Variants in ZNF333 observed in about 807,000 individuals in gnomAD.
ZNF333 encodes the protein zinc finger protein 333.
In ZNF333, 61 loss-of-function variants were observed where a neutral mutation model predicts 76.1. The observed-to-expected ratio is 0.80, with a 90% CI of 0.65 to 0.99. The LOEUF (loss-of-function observed/expected upper bound fraction) is 0.99. Among genes scored for constraint, ZNF333 ranks in the 50% least tolerant of loss-of-function variants. The probability of loss-of-function intolerance (pLI) is 0.00; values close to 1 mark genes in which losing one functional copy is unlikely to be tolerated. For missense variants in ZNF333, 717 were observed against 822.4 expected, an observed-to-expected ratio of 0.87 and a Z score of 1.57; for synonymous variants, 284 against 305.0, an observed-to-expected ratio of 0.93 and a Z score of 0.72.
intron 9 of ZNF333, 125 bp from the exon 10 acceptor site, chr19:14,716,869 C>T (rs117321186): frequency 0.014 from 10,660 of 779,748 alleles, 108 homozygotes; most frequent in Middle Eastern, 0.038. Context: ...CTGTGGCCAT[C>T]AGAATTTAGG....
chr19:14,706,951 C>T (rs2042128319), intron 7 of ZNF333, 178 bp downstream of exon 7: 1 of 538,994 alleles, frequency 1.9e-6, no homozygotes, highest in East Asian at 3.3e-5. Flanking sequence ...GAGGGCACTT[C>T]CAGTGACAGA....
rs2042668247 is a variant in ZNF333, at chr19:14,731,173, A to C, written c.901-2A>C. 1.3e-6 allele frequency: 2 copies of C among 1,528,174 alleles called. No homozygotes were observed. The highest frequency in any genetic ancestry group is 1.7e-6 in the Non-Finnish European group (2 of 1,145,046). 94.7% of individuals were successfully genotyped at this position (1,528,174 alleles called of 1,614,324 possible). A position where few individuals can be genotyped will look rare whatever the true frequency, so the allele number is the denominator to read the frequency against. ...TCTTCCTCCTTATAATTCCCTTTTCAGCCACCCAACTAATTTGGAAGAATT... is the reference window on the plus strand; with the variant it reads ...TCTTCCTCCTTATAATTCCCTTTTCCGCCACCCAACTAATTTGGAAGAATT... On this transcript the variant is annotated splice_acceptor_variant, in intron 11 of 11. Coordinates refer to the ZNF333 transcript ENST00000540689. LOFTEE classifies it high-confidence loss of function.
At chr19:14,715,177 G>T (rs763858328) in intron 7 of ZNF333, 13 of 547,552 alleles carry the variant, frequency 2.4e-5, no homozygotes, top group Non-Finnish European at 3.7e-5. Context: ...ATGTGTGCAT[G>T]TCTGTGTACG....
chr19:14,708,418 G>A (rs952538048), intron 7 of ZNF333: 4 of 401,088 alleles, frequency 1.0e-5, no homozygotes, highest in Admixed American at 4.4e-5. Context: ...TGGAGCTCAC[G>A]GTCAGCTGGG....
chr19:14,693,980 T>A (rs28424588), intron 2 of ZNF333, among the ~76,000 whole-genome samples: 7,443 of 112,468 alleles, frequency 0.066, 395 homozygotes, highest in African/African-American at 0.16. Context: ...ACCTTGTCTC[T>A]AAAAAAAAAA....
At chr19:14,711,808 A>C (rs16979789) in intron 7 of ZNF333, among the ~76,000 whole-genome samples, 3,399 of 152,286 alleles carry the variant, frequency 0.022, 43 homozygotes, top group Middle Eastern at 0.061. Context: ...TTATTCTTAC[A>C]AAGCTTCCAA....
rs199849705 is a variant in ZNF333 at position 14,715,473 on chromosome 19, A to G, written c.600+3A>G. 167 of 1,613,586 alleles carry G rather than the reference A, an allele frequency of 1.0e-4. 1 individual carries two copies. The East Asian group carries it at 3.6e-3, about 35-fold the overall frequency. Reference sequence around the variant, plus strand: ...GGCTGCCAACCGCCTGTTCACAGGTAGGTAAGAACTTCTTGTTCTAAAAGA... The same window carrying G: ...GGCTGCCAACCGCCTGTTCACAGGTGGGTAAGAACTTCTTGTTCTAAAAGA... On this transcript the variant is annotated splice_donor_region_variant and intron_variant, in intron 8 of 11. Coordinates refer to ENST00000292530, the MANE Select transcript of ZNF333 (RefSeq NM_032433.4).
At chr19:14,731,048 T>C (rs2042666912) in intron 11 of ZNF333, 1 of 756,004 alleles carries the variant, frequency 1.3e-6, no homozygotes, top group Admixed American at 2.1e-5. Flanking sequence ...TCATAGGCAG[T>C]CCCTTACATG....
At position 14,694,378 on chromosome 19, in the gene ZNF333, T is replaced by C. The variant is rs368356263; in HGVS notation, c.4-632T>C. Among the ~76,000 whole-genome samples the C allele has an allele frequency of 3.0e-4, 46 of 151,278 alleles. No individual in the cohort carries two copies. The South Asian group carries it at 6.2e-3, about 21-fold the overall frequency. On this transcript the variant is annotated intron_variant, in intron 2 of 11. Transcript: ENST00000292530. Reference sequence around the variant, plus strand: ...ATCCCAGCTACTTGGGAGGCTGAGGTAGGAAAATCGCTTGAACCCAGGAGG... The same window carrying C: ...ATCCCAGCTACTTGGGAGGCTGAGGCAGGAAAATCGCTTGAACCCAGGAGG...
chr19:14,705,257 A>C, intron 6 of ZNF333, 87 bp downstream of exon 6: 1 of 1,159,600 alleles, frequency 8.6e-7, no homozygotes, highest in Non-Finnish European at 1.2e-6. Flanking sequence ...GGGGGAGGGG[A>C]GGGAAAGGAG....
intron 7 of ZNF333, among the ~76,000 whole-genome samples, chr19:14,711,298 C>T (rs1242436740): frequency 6.6e-6 from 1 of 152,172 alleles, no homozygotes; most frequent in Non-Finnish European, 1.5e-5. Context: ...TCCAAGTTCC[C>T]AGACTCCACC....
intron 7 of ZNF333, among the ~76,000 whole-genome samples, chr19:14,711,042 A>C (rs1157370366): frequency 6.6e-6 from 1 of 152,184 alleles, no homozygotes; most frequent in Non-Finnish European, 1.5e-5. Flanking sequence ...CTTGGAAAGT[A>C]GTAGAAGAGT....
At position 14,707,767 on chromosome 19, in the gene ZNF333, G is replaced by A. The variant is rs902045244; in HGVS notation, c.511+994G>A. 2.3e-5 allele frequency: 7 copies of A among 298,504 alleles called. No homozygotes were observed. In the South Asian group the frequency reaches 4.9e-4, roughly 21 times the overall value. The allele number at this position is 298,504 out of a possible 1,614,324, so 18.5% of individuals were successfully genotyped here. On this transcript the variant is annotated intron_variant, in intron 7 of 11. Coordinates refer to ENST00000292530, the MANE Select transcript of ZNF333 (RefSeq NM_032433.4). ...GGGGTTTCACCGTGTTAGCCAGGAT[G>A]GTCTCGATCTCCTGACCTCGTGATC...
chr19:14,695,057 G>A lies in ZNF333; in HGVS notation c.51G>A (p.Trp17Ter). Reference protein sequence around the residue: ...EDVAVEFIQEWALLDSARRSL... With the variant: ...EDVAVEFIQE ...TGGCCGTGGAGTTCATCCAGGAGTGGGCATTGCTGGACAGCGCACGGAGGA... is the reference window on the plus strand; with the variant it reads ...TGGCCGTGGAGTTCATCCAGGAGTGAGCATTGCTGGACAGCGCACGGAGGA... Residue 17 changes from tryptophan (W) to a stop codon, truncating the protein, a stop_gained, in exon 3 of 12, where the codon TGG (tryptophan) becomes TGA (stop). Transcript: ENST00000292530. LOFTEE classifies it high-confidence loss of function. 2 of 1,614,114 alleles carry A rather than the reference G, an allele frequency of 1.2e-6. No individual in the cohort carries two copies.
intron 2 of ZNF333, 67 bp from the exon 3 acceptor site, chr19:14,694,943 A>G: frequency 6.2e-7 from 1 of 1,601,256 alleles, no homozygotes; most frequent in East Asian, 2.2e-5. Context: ...TTCTCCAGTG[A>G]TAACCAGTCG....
Position 14,702,636 on chromosome 19 carries a change from C to T in ZNF333, c.307-2418C>T, listed in dbSNP as rs2041990673. Among the ~76,000 whole-genome samples, 2 of 152,214 alleles carry T rather than the reference C, an allele frequency of 1.3e-5. 1 individual carries two copies. The highest frequency in any genetic ancestry group is 1.3e-4 in the Admixed American group (2 of 15,276). On this transcript the variant is annotated intron_variant, in intron 5 of 11. Coordinates refer to ENST00000292530, the MANE Select transcript of ZNF333 (RefSeq NM_032433.4). ...CTGCCTCTTCTGCAGACACCTGGCTCCTTGAGGCTGCAGTGTTGCTGCTTT... is the reference window on the plus strand; with the variant it reads ...CTGCCTCTTCTGCAGACACCTGGCTTCTTGAGGCTGCAGTGTTGCTGCTTT...
chr19:14,728,536 A>G (rs2042648022), intron 11 of ZNF333, among the ~76,000 whole-genome samples: 1 of 152,208 alleles, frequency 6.6e-6, no homozygotes, highest in East Asian at 1.9e-4. Context: ...GAAGCACATC[A>G]CTTATAAATG....
chr19:14,723,054 G>A (rs2042609443), downstream of ZNF333, among the ~76,000 whole-genome samples: 1 of 152,194 alleles, frequency 6.6e-6, no homozygotes, highest in African/African-American at 2.4e-5. Context: ...CCAAAGTGCT[G>A]GGATTACAGG....
intron 5 of ZNF333, among the ~76,000 whole-genome samples, chr19:14,700,807 C>T (rs898730441): frequency 1.3e-4 from 20 of 152,172 alleles, no homozygotes; most frequent in Non-Finnish European, 2.6e-4. Flanking sequence ...TCAGTCAGTG[C>T]CCCTTCCCCT....
Sources: allele counts gnomAD v4.1 joint callset (sites outside exome capture counted in the v4.1 genomes callset), GRCh38; gene constraint gnomAD v4.1.1; transcripts MANE v1.5; gene names NCBI Gene and HGNC (gene_info 2026-07-23, HGNC 2026-07-21).